The following GRID2 variants were observed in gnomAD, a reference collection of about 807,000 sequenced individuals.
GRID2 encodes glutamate ionotropic receptor delta type subunit 2.
In GRID2, 33 loss-of-function variants were observed where a neutral mutation model predicts 114.8. The observed-to-expected ratio is 0.29, with a 90% CI of 0.22 to 0.38. The LOEUF is 0.38. GRID2 is among the 10% of genes least tolerant of loss of function. The probability of loss-of-function intolerance (pLI) is 1.00; values close to 1 mark genes in which losing one functional copy is unlikely to be tolerated. For synonymous variants in GRID2, 505 were observed against 449.9 expected, an observed-to-expected ratio of 1.12 and a Z score of -1.55; for missense variants, 1,184 against 1,257.7, an observed-to-expected ratio of 0.94 and a Z score of 0.89.
Position 92,659,005 on chromosome 4 carries a change from A to G in GRID2, c.244+68719A>G, listed in dbSNP as rs1459609800. ...AAAGAGAAAATTAAAGGAGTACTGT[A>G]GTGTTATTTTCTACACTCTAGTTGT... On this transcript the variant is annotated intron_variant, in intron 2 of 15. Coordinates refer to ENST00000282020, the MANE Select transcript of GRID2 (RefSeq NM_001510.4). Among the ~76,000 whole-genome samples, 2 of 144,106 alleles carry G rather than the reference A, an allele frequency of 1.4e-5. 1 individual carries two copies. Among genetic ancestry groups the G allele is most frequent in the East Asian group, 4.5e-4 (2 of 4,490 alleles). 94.5% of individuals were successfully genotyped at this position (144,106 alleles called of 152,430 possible). A position where few individuals can be genotyped will look rare whatever the true frequency, so the allele number is the denominator to read the frequency against.
At chr4:93,559,760 C>G (rs937876471) in intron 13 of GRID2, among the ~76,000 whole-genome samples, 1 of 152,112 alleles carries the variant, frequency 6.6e-6, no homozygotes, top group African/African-American at 2.4e-5. Flanking sequence ...AATCATTCTA[C>G]TATAAAGACA....
At chr4:93,617,335 T>G (rs1011448932) in intron 13 of GRID2, among the ~76,000 whole-genome samples, 1 of 152,230 alleles carries the variant, frequency 6.6e-6, no homozygotes, top group African/African-American at 2.4e-5. Context: ...ATAGCCACTG[T>G]TTTTAACTGT....
At chr4:92,576,364 C>T (rs1046137079) in intron 1 of GRID2, among the ~76,000 whole-genome samples, 1 of 152,198 alleles carries the variant, frequency 6.6e-6, no homozygotes, top group African/African-American at 2.4e-5. Flanking sequence ...CCTGGTCCCT[C>T]CCCCAGAGGG....
intron 13 of GRID2, among the ~76,000 whole-genome samples, chr4:93,534,664 A>T (rs1731845586): frequency 2.6e-5 from 4 of 152,178 alleles, no homozygotes; most frequent in Admixed American, 2.0e-4. Flanking sequence ...AAGTGAATTG[A>T]TAAAAAGCAA....
intron 1 of GRID2, among the ~76,000 whole-genome samples, chr4:92,432,350 C>T (rs1409153845): frequency 6.6e-6 from 1 of 152,014 alleles, no homozygotes; most frequent in African/African-American, 2.4e-5. Context: ...TCCAGCTGGC[C>T]CAGGGTGGGT....
At chr4:92,611,611 T>C (rs1479698308) in intron 2 of GRID2, among the ~76,000 whole-genome samples, 5 of 151,634 alleles carry the variant, frequency 3.3e-5, no homozygotes, top group Non-Finnish European at 4.4e-5. Context: ...AGTTTTATGA[T>C]ACATTAATGT....
intron 6 of GRID2, among the ~76,000 whole-genome samples, chr4:93,221,559 T>C (rs1426572779): frequency 6.6e-6 from 1 of 152,202 alleles, no homozygotes; most frequent in African/African-American, 2.4e-5. Flanking sequence ...GAAGATCATC[T>C]GTACAGAAAT....
At chr4:93,109,883 A>C (rs1732603132) in intron 3 of GRID2, among the ~76,000 whole-genome samples, 1 of 152,104 alleles carries the variant, frequency 6.6e-6, no homozygotes, top group Admixed American at 6.6e-5. Flanking sequence ...TTGTTACTTA[A>C]ATACACATCA....
chr4:93,314,741 T>TCA (rs10585703), intron 8 of GRID2, among the ~76,000 whole-genome samples: 4,566 of 151,046 alleles, frequency 0.03, 147 homozygotes, highest in African/African-American at 0.083. Flanking sequence ...CACGATGATT[T>TCA]CACACACACA....
chr4:93,597,318 A>C (rs537899165), intron 13 of GRID2, among the ~76,000 whole-genome samples: 2 of 152,286 alleles, frequency 1.3e-5, no homozygotes, highest in East Asian at 3.9e-4. Flanking sequence ...ACTTGAAGTA[A>C]ATATATTTCT....
At chr4:92,610,237 G>T (rs774530819) in intron 2 of GRID2, among the ~76,000 whole-genome samples, 8 of 151,598 alleles carry the variant, frequency 5.3e-5, no homozygotes, top group Non-Finnish European at 8.9e-5. Flanking sequence ...GGTTTTACCA[G>T]GCAGATGGGG....
intron 10 of GRID2, among the ~76,000 whole-genome samples, chr4:93,448,828 T>TC (rs1435891252): frequency 1.0e-4 from 1 of 9,548 alleles, no homozygotes; most frequent in Admixed American, 1.5e-3. Flanking sequence ...TCCCTTCCCT[T>TC]CCCTTCCCTT....
At chr4:92,747,326 C>A (rs1038553280) in intron 2 of GRID2, among the ~76,000 whole-genome samples, 1 of 151,872 alleles carries the variant, frequency 6.6e-6, no homozygotes, top group African/African-American at 2.4e-5. Flanking sequence ...AATTGTGGTT[C>A]TTTTAGAAAT....
chr4:93,272,613 A>T (rs776704233), intron 8 of GRID2, among the ~76,000 whole-genome samples: 4 of 152,166 alleles, frequency 2.6e-5, no homozygotes, highest in Non-Finnish European at 5.9e-5. Context: ...ATGTGAAGCC[A>T]TTCACGTGCT....
At chr4:93,187,815 T>C (rs1482400448) in intron 4 of GRID2, among the ~76,000 whole-genome samples, 1 of 152,102 alleles carries the variant, frequency 6.6e-6, no homozygotes, top group Non-Finnish European at 1.5e-5. Flanking sequence ...GGAAAAAAAG[T>C]GGTAACTTGT....
chr4:93,579,422 GGTC>G (rs1446172197), intron 13 of GRID2, among the ~76,000 whole-genome samples: 1 of 151,742 alleles, frequency 6.6e-6, no homozygotes, highest in Non-Finnish European at 1.5e-5. Context: ...GGTGATCTGC[GGTC>G]ATTTCCACAC....
At chr4:92,323,992 C>T (rs546137584) in intron 1 of GRID2, among the ~76,000 whole-genome samples, 14 of 151,780 alleles carry the variant, frequency 9.2e-5, no homozygotes, top group African/African-American at 2.4e-4. Context: ...AGAAATAGCC[C>T]GATTATGTAG....
At chr4:92,917,737 G>A (rs1357662632) in intron 2 of GRID2, among the ~76,000 whole-genome samples, 1 of 152,172 alleles carries the variant, frequency 6.6e-6, no homozygotes, top group Non-Finnish European at 1.5e-5. Context: ...GTACCATGCT[G>A]TTTTGGTTAC....
chr4:93,065,560 A>G (rs538291264), intron 2 of GRID2, among the ~76,000 whole-genome samples: 96 of 152,034 alleles, frequency 6.3e-4, no homozygotes, highest in Non-Finnish European at 2.8e-4. Context: ...TGAAAATGCT[A>G]CTAAAAGAAG....
Sources: gnomAD v4.1 joint callset for allele counts (sites outside exome capture counted in the v4.1 genomes callset) on GRCh38, gnomAD v4.1.1 for gene constraint, MANE v1.5 for transcripts, NCBI Gene and HGNC (gene_info 2026-07-23, HGNC 2026-07-21) for gene names.